ASTN1: variants seen among roughly 807,000 people sequenced by gnomAD.
ASTN1 encodes the protein astrotactin-1.
In ASTN1, 41 loss-of-function variants were observed where a neutral mutation model predicts 140.7. The observed-to-expected ratio is 0.29, with a 90% CI of 0.23 to 0.38. The LOEUF (loss-of-function observed/expected upper bound fraction) is 0.38. Ranked by LOEUF, ASTN1 falls within the 10% of genes least tolerant of loss-of-function variation. The pLI, the probability that ASTN1 is intolerant of heterozygous loss-of-function variation, is 1.00. For missense variants in ASTN1, 1,479 were observed against 1,678.8 expected (o/e 0.88, Z 2.08); for synonymous variants, 640 against 652.2 (o/e 0.98, Z 0.29).
In ASTN1 at chr1:176,894,798, C is replaced by T. The variant is rs747665952; in HGVS notation, c.2704G>A (p.Glu902Lys). Residue 902 changes from glutamate to lysine, a missense_variant, in exon 17 of 23, where the codon GAA becomes AAA. Transcript: ENST00000361833. ...NSPSDESEERERDPKVLTFPE... is the reference protein window; with the variant it reads ...NSPSDESEERKRDPKVLTFPE... ...AATGTCAGCACCTTGGGGTCTCTTT[C>T]CCGCTCCTCAGACTCATCTGATGGG... 1 of 1,613,956 alleles carries T rather than the reference C, an allele frequency of 6.2e-7. No individual in the cohort carries two copies. The highest frequency in any genetic ancestry group is 8.5e-7 in the Non-Finnish European group (1 of 1,180,052).
intron 22 of ASTN1, among the ~76,000 whole-genome samples, chr1:176,865,749 T>C (rs762036057): frequency 2.0e-5 from 3 of 152,194 alleles, no homozygotes; most frequent in East Asian, 1.9e-4. Context: ...AAGACATACC[T>C]GAGACTGGGC....
intron 13 of ASTN1, among the ~76,000 whole-genome samples, chr1:176,945,017 C>A (rs998609366): frequency 2.0e-5 from 3 of 152,192 alleles, no homozygotes; most frequent in African/African-American, 7.2e-5. Flanking sequence ...TGGTCCATAT[C>A]ATAATACTGA....
intron 1 of ASTN1, among the ~76,000 whole-genome samples, chr1:177,115,797 T>C (rs1681057471): frequency 6.6e-6 from 1 of 152,244 alleles, no homozygotes; most frequent in African/African-American, 2.4e-5. Context: ...TTCCCATAGA[T>C]AACTACTGCT....
chr1:176,896,444 G>A (rs1157780741), intron 16 of ASTN1, among the ~76,000 whole-genome samples: 2 of 152,122 alleles, frequency 1.3e-5, no homozygotes, highest in African/African-American at 4.8e-5. Flanking sequence ...ACGCAACCCA[G>A]TCAACTGTGT....
chr1:177,152,532 A>G (rs1260762714), intron 1 of ASTN1, among the ~76,000 whole-genome samples: 3 of 151,186 alleles, frequency 2.0e-5, no homozygotes, highest in African/African-American at 7.3e-5. Flanking sequence ...CTTTATGAGA[A>G]AAAAAAAAAC....
chr1:176,985,353 C>T (rs1361401861), intron 8 of ASTN1, among the ~76,000 whole-genome samples: 1 of 152,058 alleles, frequency 6.6e-6, no homozygotes, highest in African/African-American at 2.4e-5. Context: ...TGCATTGACA[C>T]TCTCCTCTCC....
intron 18 of ASTN1, among the ~76,000 whole-genome samples, chr1:176,884,966 T>G (rs529061863): frequency 1.3e-5 from 2 of 152,320 alleles, no homozygotes; most frequent in East Asian, 1.9e-4. Context: ...CTTATCAGGA[T>G]CTGCCGTGCT....
intron 1 of ASTN1, among the ~76,000 whole-genome samples, chr1:177,108,347 CAAAAAAAAA>C (rs71129596): frequency 9.1e-5 from 9 of 98,598 alleles, no homozygotes; most frequent in African/African-American, 3.7e-4. Flanking sequence ...GACTCCGTCT[CAAAAAAAAA>C]AAAAAAAAAA....
At chr1:177,100,278 A>G (rs1207548236) in intron 1 of ASTN1, among the ~76,000 whole-genome samples, 2 of 152,152 alleles carry the variant, frequency 1.3e-5, no homozygotes, top group Non-Finnish European at 2.9e-5. Flanking sequence ...TAGAATGTCT[A>G]TTATTTTCCA....
rs1159380568 is a variant in ASTN1, at chr1:176,876,557, A to G, written c.3443T>C (p.Val1148Ala). ...CTTACCTTGAGCCTTGACATCATCC[A>G]CCACGGGGCATGGGGTCTTCACGAT... ...DVIVKTPCPV[V>A]DDVKAQEIAD... is the part of the protein sequence containing the mutation. The change falls in exon 21 of 23, where the codon GTG becomes GCG. Residue 1148 changes from valine to alanine, a missense_variant. By Grantham distance (64) the Val-to-Ala change is moderately conservative. Coordinates refer to ENST00000361833, the MANE Select transcript of ASTN1 (RefSeq NM_004319.3). The G allele has an allele frequency of 6.2e-7, 1 of 1,614,092 alleles. No homozygotes were observed. Among genetic ancestry groups the G allele is most frequent in the Admixed American group, 1.7e-5 (1 of 60,020 alleles).
intron 1 of ASTN1, among the ~76,000 whole-genome samples, chr1:177,126,347 C>T (rs926800111): frequency 2.6e-5 from 4 of 152,154 alleles, no homozygotes; most frequent in African/African-American, 9.7e-5. Context: ...GACAGATCCT[C>T]CTTCCCTTGG....
intron 1 of ASTN1, among the ~76,000 whole-genome samples, chr1:177,104,622 G>A (rs867932462): frequency 6.6e-6 from 1 of 152,248 alleles, no homozygotes; most frequent in Non-Finnish European, 1.5e-5. Context: ...TGTGATTTTC[G>A]CAGTTTAACT....
chr1:177,025,100 T>A (rs1015578584), intron 5 of ASTN1, among the ~76,000 whole-genome samples: 1 of 152,200 alleles, frequency 6.6e-6, no homozygotes, highest in Non-Finnish European at 1.5e-5. Flanking sequence ...TCCCACACTA[T>A]ACCTCCCATC....
At chr1:177,131,716 T>C (rs946713884) in intron 1 of ASTN1, among the ~76,000 whole-genome samples, 4 of 152,118 alleles carry the variant, frequency 2.6e-5, no homozygotes, top group Non-Finnish European at 4.4e-5. Context: ...TGAGAGCAGG[T>C]AGTTTATAAA....
chr1:176,925,857 C>G lies in ASTN1; in HGVS notation c.2671+8295G>C, dbSNP rs574453414. On this transcript the variant is annotated intron_variant, in intron 16 of 22. Transcript: ENST00000361833. ...GTCTCGCTCTGTCACCCAGGCTGGA[C>G]TGCAGTGGCACAATCTCGGCTCACT... Among the ~76,000 whole-genome samples, 90 of 149,746 alleles carry G rather than the reference C, an allele frequency of 6.0e-4. No individual in the cohort carries two copies. In the East Asian group the frequency reaches 8.1e-3, roughly 13 times the overall value.
At chr1:177,139,833 C>G (rs1213197068) in intron 1 of ASTN1, among the ~76,000 whole-genome samples, 1 of 152,180 alleles carries the variant, frequency 6.6e-6, no homozygotes, top group Non-Finnish European at 1.5e-5. Flanking sequence ...TCTGGCTTGT[C>G]CCATCTAGAT....
At position 176,862,781 on chromosome 1, in the gene ASTN1, C is replaced by G; in HGVS notation, c.*1503G>C. 1 of 976,918 alleles carries G rather than the reference C, an allele frequency of 1.0e-6. No homozygotes were observed. 60.5% of individuals were successfully genotyped at this position (976,918 alleles called of 1,614,324 possible). Reference sequence around the variant, plus strand: ...ATGATACCTAAAGTGCTTACATCAGCGCCTGGCATACAGCAAGCACTCAAT... The same window carrying G: ...ATGATACCTAAAGTGCTTACATCAGGGCCTGGCATACAGCAAGCACTCAAT... On this transcript the variant is annotated 3_prime_UTR_variant, in exon 23 of 23. Transcript: ENST00000361833.
At chr1:177,127,858 A>G (rs1240171016) in intron 1 of ASTN1, among the ~76,000 whole-genome samples, 1 of 152,234 alleles carries the variant, frequency 6.6e-6, no homozygotes, top group East Asian at 1.9e-4. Context: ...TATGATGCAA[A>G]ACGTAAATGT....
intron 21 of ASTN1, among the ~76,000 whole-genome samples, chr1:176,873,656 A>G (rs529092983): frequency 2.0e-4 from 31 of 152,288 alleles, no homozygotes; most frequent in Non-Finnish European, 4.0e-4. Flanking sequence ...CTAGAACTGT[A>G]TTAATTAGCA....
Sources: allele counts gnomAD v4.1 joint callset (sites outside exome capture counted in the v4.1 genomes callset), GRCh38; gene constraint gnomAD v4.1.1; transcripts MANE v1.5; gene names NCBI Gene and HGNC (gene_info 2026-07-23, HGNC 2026-07-21).